The following PTCH1 variants were observed in gnomAD, a reference collection of about 807,000 sequenced individuals.
The protein encoded by PTCH1 is patched 1.
PTCH1 carries 14 observed loss-of-function variants against 144.6 expected under a neutral mutation model. The ratio of observed to expected loss-of-function variants is 0.10; its 90% CI spans 0.06 to 0.15. The LOEUF is 0.15. Ranked by LOEUF, PTCH1 falls within the 10% of genes least tolerant of loss-of-function variation. PTCH1 has a pLI of 1.00. For synonymous variants in PTCH1, 833 were observed against 793.6 expected (o/e 1.05, Z -0.83); for missense variants, 1,623 against 1,948.3 (o/e 0.83, Z 3.14).
chr9:95,458,243 C>T lies in PTCH1; in HGVS notation c.2938G>A (p.Gly980Ser), dbSNP rs778337760. Residue 980 changes from glycine (G) to serine (S), a missense_variant, in exon 18 of 24, where the codon GGC (glycine) becomes AGC (serine). By Grantham distance (56) the Gly-to-Ser change is moderately conservative. Around this residue, in one of 7 missense-constraint regions of PTCH1, gnomAD observed 504 missense variants for 679.3 expected, o/e 0.74. Coordinates refer to ENST00000331920, the MANE Select transcript of PTCH1 (RefSeq NM_000264.5). The surrounding 1 kb of genome is among the most constrained non-coding windows in gnomAD (Gnocchi z 4.7). ...ACAAAGTCTGAGGTGTCCCGCAAGC[C>T]GTTGAGGTAGAAAGGGAACTGGGCA... Reference protein sequence around the residue: ...EYAQFPFYLNGLRDTSDFVEA... With the variant: ...EYAQFPFYLNSLRDTSDFVEA... The T allele has an allele frequency of 7.4e-6, 12 of 1,613,888 alleles. No individual in the cohort carries two copies. Among genetic ancestry groups the T allele is most frequent in the Admixed American group, 1.7e-5 (1 of 59,992 alleles).
intron 18 of PTCH1, 47 bp downstream of exon 18, chr9:95,457,966 T>C (rs374818317): frequency 1.9e-6 from 3 of 1,610,772 alleles, no homozygotes; most frequent in Non-Finnish European, 1.7e-6. Context: ...GAAAGAGCTA[T>C]GCTGAAAGGA....
At position 95,447,676 on chromosome 9, in the gene PTCH1, G is replaced by A. The variant is rs77789632; in HGVS notation, c.3805-225C>T. Among the ~76,000 whole-genome samples the A allele has an allele frequency of 0.052, 7,995 of 152,296 alleles. 583 individuals carry two copies. The highest frequency in any genetic ancestry group is 0.16 in the African/African-American group (6,722 of 41,556). ...CCTGTTTCCAGGCTTTCTCTGACAC[G>A]GCTGGCTGGACACGTACTGCTGCTG... On this transcript the variant is annotated intron_variant, in intron 22 of 23. Coordinates refer to ENST00000331920, the MANE Select transcript of PTCH1 (RefSeq NM_000264.5).
chr9:95,449,983 T>G lies in PTCH1; in HGVS notation c.3450-43A>C, dbSNP rs1165254677. The G allele has an allele frequency of 3.2e-6, 5 of 1,559,386 alleles. No homozygotes were observed. The highest frequency in any genetic ancestry group is 2.2e-5 in the East Asian group (1 of 44,484). On this transcript the variant is annotated intron_variant, in intron 20 of 23. Coordinates refer to ENST00000331920, the MANE Select transcript of PTCH1 (RefSeq NM_000264.5). This position sits in a 1 kb window ranked among gnomAD's most constrained non-coding sequence, Gnocchi z 5.3. ...AACGGGAACACGCGCTGTGACAGGG[T>G]GGATCGCGCCACCCTCCGTGTGCCC...
chr9:95,511,638 ACT>A (rs1025839984), upstream of PTCH1, among the ~76,000 whole-genome samples: 1 of 152,194 alleles, frequency 6.6e-6, no homozygotes, highest in Non-Finnish European at 1.5e-5. Context: ...GGAAAATGAC[ACT>A]GAGTTGATAA....
rs1161608601 is a variant in PTCH1, at chr9:95,449,312, G to C, written c.3561C>G (p.Ala1187=). Residue 1187 remains alanine (A), a synonymous_variant, in exon 22 of 24, where the codon GCC becomes GCG. Transcript: ENST00000331920. The surrounding 1 kb of genome is among the most constrained non-coding windows in gnomAD (Gnocchi z 5.3). ...FFGPYPEVSP[A]NGLNRLPTPS... is the part of the protein sequence containing the mutation. Reference sequence around the variant, plus strand: ...GTGTGGGCAGGCGGTTCAAGCCGTTGGCTGGAGACACCTATTTAAGGGGAT... The same window carrying C: ...GTGTGGGCAGGCGGTTCAAGCCGTTCGCTGGAGACACCTATTTAAGGGGAT... 4.5e-6 allele frequency: 7 copies of C among 1,551,288 alleles called. No individual in the cohort carries two copies. The Admixed American group carries it at 1.4e-4, about 30-fold the overall frequency.
intron 23 of PTCH1, 115 bp downstream of exon 23, chr9:95,446,796 G>T: frequency 1.5e-6 from 2 of 1,373,154 alleles, no homozygotes; most frequent in Non-Finnish European, 2.1e-6. Flanking sequence ...GGGGTCCAGC[G>T]TGGGATGTGC....
At chr9:95,494,441 C>T (rs1398398658) in intron 2 of PTCH1, 1 of 985,482 alleles carries the variant, frequency 1.0e-6, no homozygotes, top group South Asian at 4.7e-5. Context: ...GGCTGTGCAC[C>T]GCGCCACCTG....
intron 12 of PTCH1, among the ~76,000 whole-genome samples, chr9:95,472,473 C>T (rs754595913): frequency 6.6e-5 from 10 of 152,240 alleles, no homozygotes; most frequent in South Asian, 4.1e-4. Context: ...AGGATTCTAA[C>T]GGAGATTTTC....
In PTCH1 at chr9:95,444,728, C is replaced by T. The variant is rs974332392; in HGVS notation, c.*1665G>A. The T allele has an allele frequency of 1.3e-5, 2 of 152,258 alleles. No individual in the cohort carries two copies. Among genetic ancestry groups the T allele is most frequent in the African/African-American group, 4.8e-5 (2 of 41,428 alleles). 9.4% of individuals were successfully genotyped at this position (152,258 alleles called of 1,614,324 possible). A position where few individuals can be genotyped will look rare whatever the true frequency, so the allele number is the denominator to read the frequency against. ...CTTAGGCTTCAGCCCTGCAGGGACC[C>T]CGCCCTTTCCTCTGACTTCTTGTCT... On this transcript the variant is annotated 3_prime_UTR_variant, in exon 24 of 24. Coordinates refer to ENST00000331920, the MANE Select transcript of PTCH1 (RefSeq NM_000264.5).
At chr9:95,501,803 T>C (rs1843163976) in intron 2 of PTCH1, among the ~76,000 whole-genome samples, 1 of 152,042 alleles carries the variant, frequency 6.6e-6, no homozygotes, top group Non-Finnish European at 1.5e-5. Context: ...TGAAAAGAAA[T>C]AGATACTGAG....
At chr9:95,471,134 A>G (rs1454247691) in intron 12 of PTCH1, among the ~76,000 whole-genome samples, 1 of 152,196 alleles carries the variant, frequency 6.6e-6, no homozygotes, top group East Asian at 1.9e-4. Context: ...GAGGCTTCTC[A>G]AAGAACTGCT....
chr9:95,506,918 C>G lies in PTCH1; in HGVS notation c.202-319G>C, dbSNP rs2118888899. 2.8e-6 allele frequency: 3 copies of G among 1,083,200 alleles called. No individual in the cohort carries two copies. The South Asian group carries it at 1.3e-4, about 46-fold the overall frequency. The allele number at this position is 1,083,200 out of a possible 1,614,324, so 67.1% of individuals were successfully genotyped here. A position where few individuals can be genotyped will look rare whatever the true frequency, so the allele number is the denominator to read the frequency against. ...CGAGGTAGAGAGGAGAGAAACCACTCGACACAGACAATATTCACCCCAGAG... is the reference window on the plus strand; with the variant it reads ...CGAGGTAGAGAGGAGAGAAACCACTGGACACAGACAATATTCACCCCAGAG... On this transcript the variant is annotated intron_variant, in intron 1 of 23. Transcript: ENST00000331920.
intron 2 of PTCH1, among the ~76,000 whole-genome samples, chr9:95,500,453 A>G (rs28468571): frequency 0.21 from 31,663 of 152,166 alleles, 3,539 homozygotes; most frequent in Non-Finnish European, 0.23. Context: ...AAATACCTAT[A>G]AACATATTCT....
At position 95,458,280 on chromosome 9, in the gene PTCH1, C is replaced by T. The variant is rs773389724; in HGVS notation, c.2901G>A (p.Glu967=). 1 of 1,613,880 alleles carries T rather than the reference C, an allele frequency of 6.2e-7. No homozygotes were observed. Among genetic ancestry groups the T allele is most frequent in the South Asian group, 1.1e-5 (1 of 91,040 alleles). The change falls in exon 18 of 24, where the codon GAG becomes GAA. Residue 967 remains glutamate (E), a synonymous_variant. Coordinates refer to ENST00000331920, the MANE Select transcript of PTCH1 (RefSeq NM_000264.5). This position sits in a 1 kb window ranked among gnomAD's most constrained non-coding sequence, Gnocchi z 4.7. The stretch of plus-strand genomic sequence containing the variant: ...AAGGGAACTGGGCATACTCGATGGG[C>T]TCTGCTGCCGGGACTGGACAGAGAA... ...PETRLRIPAA[E]PIEYAQFPFY...
rs1564021882 is a variant in PTCH1, at chr9:95,459,779, G to C, written c.2708C>G (p.Thr903Ser). 6.2e-7 allele frequency: 1 copy of C among 1,614,132 alleles called. No homozygotes were observed. Among genetic ancestry groups the C allele is most frequent in the Non-Finnish European group, 8.5e-7 (1 of 1,180,036 alleles). The change falls in exon 17 of 24, where the codon ACT becomes AGT. Residue 903 changes from threonine (T) to serine (S), a missense_variant. By Grantham distance (58) the Thr-to-Ser change is moderately conservative (BLOSUM62 1). Coordinates refer to ENST00000331920, the MANE Select transcript of PTCH1 (RefSeq NM_000264.5). ...RDKPIDISQL[T>S]KQRLVDADGI... ...ATCTGCATCCACCAGACGCTGTTTA[G>C]TCAACTACAAAAACGGGAAGAACAG...
In PTCH1 at chr9:95,508,890, G is replaced by A; in HGVS notation, c.-529C>T. 2.1e-6 allele frequency: 2 copies of A among 940,868 alleles called. No homozygotes were observed. Among genetic ancestry groups the A allele is most frequent in the Non-Finnish European group, 2.5e-6 (2 of 789,880 alleles). 58.3% of individuals were successfully genotyped at this position (940,868 alleles called of 1,614,324 possible). ...GGGCAAGCGCAGAGCCGCCGCCGCC[G>A]CGGGGTCCGAGGGTGCCCGGCGGGT... On this transcript the variant is annotated 5_prime_UTR_variant, in exon 1 of 24. Coordinates refer to ENST00000331920, the MANE Select transcript of PTCH1 (RefSeq NM_000264.5).
intron 1 of PTCH1, 67 bp downstream of exon 1, chr9:95,508,094 T>G: frequency 1.9e-6 from 3 of 1,595,674 alleles, no homozygotes; most frequent in Non-Finnish European, 2.6e-6. Context: ...TGTTTGTGTG[T>G]GGCGGGGGCG....
rs2118036535 is a variant in PTCH1 at position 95,468,887 on chromosome 9, G to C, written c.2114C>G (p.Thr705Ser). Reference protein sequence around the residue: ...DTLSCQSPESTSSTRDLLSQF... With the variant: ...DTLSCQSPESSSSTRDLLSQF... Reference sequence around the variant, plus strand: ...GGAGAGCAGGTCCCTTGTGGAGCTGGTGCTCTCTGGGCTCTGGCAGCTGAG... The same window carrying C: ...GGAGAGCAGGTCCCTTGTGGAGCTGCTGCTCTCTGGGCTCTGGCAGCTGAG... The change falls in exon 14 of 24, where the codon ACC (threonine) becomes AGC (serine). Residue 705 changes from threonine (T) to serine (S), a missense_variant. By Grantham distance (58) the Thr-to-Ser change is moderately conservative. Transcript: ENST00000331920. The C allele has an allele frequency of 6.2e-7, 1 of 1,614,176 alleles. No individual in the cohort carries two copies. Among genetic ancestry groups the C allele is most frequent in the East Asian group, 2.2e-5 (1 of 44,870 alleles).
intron 3 of PTCH1, chr9:95,482,526 GCAGCC>G (rs1193927166): frequency 2.6e-6 from 1 of 389,958 alleles, no homozygotes; most frequent in African/African-American, 2.1e-5. Flanking sequence ...CAACTTCAGG[GCAGCC>G]CAGCTGAATT....
Sources: allele counts gnomAD v4.1 joint callset (sites outside exome capture counted in the v4.1 genomes callset), GRCh38; gene constraint gnomAD v4.1.1; regional missense constraint gnomAD v4.1.1; non-coding constraint Gnocchi (gnomAD v3.1); transcripts MANE v1.5; gene names NCBI Gene and HGNC (gene_info 2026-07-23, HGNC 2026-07-21).